HPS4: variants seen among roughly 807,000 people sequenced by gnomAD.
HPS4 encodes the protein BLOC-3 complex member HPS4.
Under a neutral mutation model 70.3 loss-of-function variants are expected in HPS4, and 44 were observed. The ratio of observed to expected loss-of-function variants is 0.63; its 90% CI spans 0.49 to 0.80. The LOEUF (loss-of-function observed/expected upper bound fraction) is 0.80, where lower values mean the gene tolerates loss of function less well. Ranked by LOEUF, HPS4 falls within the 30% of genes least tolerant of loss-of-function variation. HPS4 has a pLI of 0.00. For synonymous variants in HPS4, 377 were observed against 355.9 expected (o/e 1.06, Z -0.67); for missense variants, 873 against 884.4 (o/e 0.99, Z 0.16).
chr22:26,453,365 G>A lies in HPS4; in HGVS notation c.1995C>T (p.Ile665=), dbSNP rs1186030005. 1 of 1,614,190 alleles carries A rather than the reference G, an allele frequency of 6.2e-7. No individual in the cohort carries two copies. Among genetic ancestry groups the A allele is most frequent in the South Asian group, 1.1e-5 (1 of 91,082 alleles). Reference sequence around the variant, plus strand: ...CCAGCTGCTGGAAATATGTCTCCTGGATGGGGTTGCAACAGGCGTACACAG... The same window carrying A: ...CCAGCTGCTGGAAATATGTCTCCTGAATGGGGTTGCAACAGGCGTACACAG... ...STAVYACCNP[I]QETYFQQLAP... is the part of the protein sequence containing the mutation. Residue 665 remains isoleucine (I), a synonymous_variant, in exon 14 of 14, where the codon ATC becomes ATT. Coordinates refer to ENST00000398145, the MANE Select transcript of HPS4 (RefSeq NM_022081.6).
At chr22:26,461,667 C>A (rs1003383844) in intron 11 of HPS4, among the ~76,000 whole-genome samples, 3 of 152,170 alleles carry the variant, frequency 2.0e-5, no homozygotes, top group African/African-American at 7.2e-5. Context: ...TAGACAGTAG[C>A]AGAGGGGCTG....
At chr22:26,482,898 C>A (rs2091434392) in intron 1 of HPS4, 1 of 152,232 alleles carries the variant, frequency 6.6e-6, no homozygotes, top group African/African-American at 2.4e-5. Flanking sequence ...AAAACAAGGT[C>A]TAATTCTTCC....
chr22:26,470,278 G>T (rs998538803), intron 7 of HPS4, among the ~76,000 whole-genome samples: 1 of 152,224 alleles, frequency 6.6e-6, no homozygotes, highest in Admixed American at 6.5e-5. Flanking sequence ...AGGCTTGAAG[G>T]CAGCTGGATA....
downstream of HPS4, chr22:26,443,409 G>A: frequency 3.8e-6 from 2 of 527,720 alleles, no homozygotes. Flanking sequence ...TATTTCCTTA[G>A]ATTTTTTTTT....
At chr22:26,479,436 C>A (rs868372726) in intron 2 of HPS4, 81 bp from the exon 3 acceptor site, 1 of 1,567,672 alleles carries the variant, frequency 6.4e-7, no homozygotes, top group East Asian at 2.4e-5. Context: ...TGTTTCCCAG[C>A]CCGAGGAGGG....
At chr22:26,479,795 C>T in intron 2 of HPS4, 1 of 556,642 alleles carries the variant, frequency 1.8e-6, no homozygotes, top group Non-Finnish European at 2.3e-6. Context: ...ACCAGGAATT[C>T]ATGCATTCAC....
chr22:26,470,700 G>C lies in HPS4; in HGVS notation c.596+19C>G. 1 of 1,610,854 alleles carries C rather than the reference G, an allele frequency of 6.2e-7. No homozygotes were observed. Among genetic ancestry groups the C allele is most frequent in the African/African-American group, 1.3e-5 (1 of 74,940 alleles). On this transcript the variant is annotated intron_variant, in intron 7 of 13. Transcript: ENST00000398145. ...AGCAAGGGAATGGGGCTGGAAGAAA[G>C]GGGTCTGGAGTTACTCACAGTCCTT...
rs951150929 is a variant in HPS4, at chr22:26,474,683, G to A, written c.277-1744C>T. Among the ~76,000 whole-genome samples the A allele has an allele frequency of 3.9e-5, 6 of 152,106 alleles. No individual in the cohort carries two copies. The East Asian group carries it at 5.8e-4, about 15-fold the overall frequency. On this transcript the variant is annotated intron_variant, in intron 4 of 13. Transcript: ENST00000398145. ...CTGGGAGAAATTATTTTAAAAAGAT[G>A]TATCTGACAAAGAACTGGTATCTAG...
At chr22:26,470,619 TG>T in intron 7 of HPS4, 99 bp downstream of exon 7, 1 of 1,182,570 alleles carries the variant, frequency 8.5e-7, no homozygotes, top group Non-Finnish European at 1.3e-6. Flanking sequence ...CACTTGGAAC[TG>T]GCCAGAGACT....
chr22:26,464,800 TG>T lies in HPS4; in HGVS notation c.829del (p.Gln277ArgfsTer17). On this transcript the variant is annotated frameshift_variant, in exon 11 of 14. Coordinates refer to ENST00000398145, the MANE Select transcript of HPS4 (RefSeq NM_022081.6). LOFTEE classifies it high-confidence loss of function. Reference sequence around the variant, plus strand: ...TGGATGGTGCTGGGCTGAACCATCCTGGAGTCCTGCTGGAGATGCTAGAGAC... The same window carrying T: ...TGGATGGTGCTGGGCTGAACCATCCTGAGTCCTGCTGGAGATGCTAGAGAC... ...TRSLASPAGLQDGSAQHHPKG... is the reference protein window; with the variant it reads ...TRSLASPAGLXDGSAQHHPKG... 1 of 1,592,450 alleles carries T rather than the reference TG, an allele frequency of 6.3e-7. No individual in the cohort carries two copies. The highest frequency in any genetic ancestry group is 8.5e-7 in the Non-Finnish European group (1 of 1,171,616).
downstream of HPS4, among the ~76,000 whole-genome samples, chr22:26,448,130 A>G (rs141497168): frequency 2.2e-3 from 338 of 152,358 alleles, 1 homozygote; most frequent in African/African-American, 7.4e-3. Flanking sequence ...ACACACATCC[A>G]GGACTCACTT....
chr22:26,481,594 G>A (rs2091293267), intron 2 of HPS4, 128 bp downstream of exon 2: 1 of 876,208 alleles, frequency 1.1e-6, no homozygotes, highest in South Asian at 1.4e-5. Context: ...CAGCTGCTCT[G>A]AGGAAAATGG....
At position 26,469,500 on chromosome 22, in the gene HPS4, C is replaced by T. The variant is rs7284472; in HGVS notation, c.597-877G>A. ...AAAGAAGGGGGGCTTTTAAATTGTG[C>T]TCTGTGTGTTCCTCTATTGATTGAT... On this transcript the variant is annotated intron_variant, in intron 7 of 13. Coordinates refer to ENST00000398145, the MANE Select transcript of HPS4 (RefSeq NM_022081.6). Among the ~76,000 whole-genome samples, 307 of 151,296 alleles carry T rather than the reference C, an allele frequency of 2.0e-3. 1 individual carries two copies. The highest frequency in any genetic ancestry group is 6.7e-3 in the African/African-American group (276 of 41,242).
chr22:26,480,340 T>G (rs1427314601), intron 2 of HPS4, among the ~76,000 whole-genome samples: 1 of 152,098 alleles, frequency 6.6e-6, no homozygotes, highest in African/African-American at 2.4e-5. Flanking sequence ...CTCGGCTATT[T>G]TTTTTTAAAT....
At chr22:26,473,001 C>G in intron 4 of HPS4, 62 bp from the exon 5 acceptor site, 1 of 1,461,324 alleles carries the variant, frequency 6.8e-7, no homozygotes, top group South Asian at 1.1e-5. Context: ...AGCCCAGAAT[C>G]CTGGCATCCA....
chr22:26,465,403 G>A lies in HPS4; in HGVS notation c.803+52C>T, dbSNP rs532148272. 65 of 1,313,348 alleles carry A rather than the reference G, an allele frequency of 4.9e-5. No individual in the cohort carries two copies. The South Asian group carries it at 6.7e-4, about 14-fold the overall frequency. 81.4% of individuals were successfully genotyped at this position (1,313,348 alleles called of 1,614,324 possible). On this transcript the variant is annotated intron_variant, in intron 10 of 13. Transcript: ENST00000398145. ...AGGTTTGTTTTTTAACCAATCACGC[G>A]ATGGGGTCCCTCAGGTGTGGTGCAA...
At chr22:26,456,989 T>G (rs2086248313) in intron 13 of HPS4, among the ~76,000 whole-genome samples, 1 of 152,158 alleles carries the variant, frequency 6.6e-6, no homozygotes, top group Non-Finnish European at 1.5e-5. Context: ...ACTGTAAAAT[T>G]GTACATTAGT....
intron 13 of HPS4, among the ~76,000 whole-genome samples, chr22:26,456,488 A>C (rs1050686843): frequency 3.3e-5 from 5 of 152,120 alleles, no homozygotes; most frequent in Non-Finnish European, 7.4e-5. Context: ...GTGAAACCCT[A>C]TCTCTACTAA....
At chr22:26,466,775 T>C (rs112645701) in intron 8 of HPS4, 148 of 157,666 alleles carry the variant, frequency 9.4e-4, no homozygotes, top group Middle Eastern at 3.3e-3. Context: ...TAAAACCTGA[T>C]GATTTTCTCA....
Sources: allele counts gnomAD v4.1 joint callset (sites outside exome capture counted in the v4.1 genomes callset), GRCh38; gene constraint gnomAD v4.1.1; transcripts MANE v1.5; gene names NCBI Gene and HGNC (gene_info 2026-07-23, HGNC 2026-07-21).